SLC7A6: variants seen among roughly 807,000 people sequenced by gnomAD.
SLC7A6 encodes Y+L amino acid transporter 2.
In SLC7A6, 29 loss-of-function variants were observed where a neutral mutation model predicts 46.6. The observed-to-expected ratio is 0.62, with a 90% confidence interval of 0.46 to 0.85. SLC7A6 has a LOEUF of 0.85. Ranked by LOEUF, SLC7A6 falls within the 40% of genes least tolerant of loss-of-function variation. The pLI is 0.00. For synonymous variants in SLC7A6, 276 were observed against 257.3 expected (o/e 1.07, Z -0.70); for missense variants, 527 against 647.6 (o/e 0.81, Z 2.02).
intron 3 of SLC7A6, among the ~76,000 whole-genome samples, chr16:68,279,713 A>G (rs13333323): frequency 0.05 from 7,575 of 152,074 alleles, 619 homozygotes; most frequent in African/African-American, 0.17. Context: ...TAATTTTTAT[A>G]TTTTTAGTAG....
chr16:68,279,198 C>T (rs904310427), intron 3 of SLC7A6, among the ~76,000 whole-genome samples: 1 of 149,752 alleles, frequency 6.7e-6, no homozygotes, highest in Non-Finnish European at 1.5e-5. Context: ...GGCATGGTGG[C>T]AGTGGCAGTG....
chr16:68,301,114 A>C lies in SLC7A6; in HGVS notation c.*3786A>C. ...TGGAAAAGACTCACTCCCCTAACATAAGTTTTCACTGTGGTGGGATGGTGC... is the reference window on the plus strand; with the variant it reads ...TGGAAAAGACTCACTCCCCTAACATCAGTTTTCACTGTGGTGGGATGGTGC... On this transcript the variant is annotated 3_prime_UTR_variant, in exon 11 of 11. Transcript: ENST00000219343. 2.2e-6 allele frequency: 3 copies of C among 1,359,196 alleles called. No homozygotes were observed. The highest frequency in any genetic ancestry group is 2.0e-5 in the South Asian group (1 of 48,890). 84.2% of individuals were successfully genotyped at this position (1,359,196 alleles called of 1,614,324 possible).
chr16:68,291,717 T>C (rs1331181741), intron 7 of SLC7A6, 56 bp downstream of exon 7: 34 of 1,498,424 alleles, frequency 2.3e-5, no homozygotes, highest in Admixed American at 1.4e-4. Flanking sequence ...CTCTGGGGCT[T>C]AGGCATAAGA....
At chr16:68,274,493 G>A (rs2042674284) in intron 2 of SLC7A6, among the ~76,000 whole-genome samples, 198 bp from the exon 3 acceptor site, 6 of 152,206 alleles carry the variant, frequency 3.9e-5, no homozygotes, top group Admixed American at 3.9e-4. Context: ...AGCTCTCATG[G>A]TGTCTTTCTT....
In SLC7A6 at chr16:68,296,658, T is replaced by C. The variant is rs750337986; in HGVS notation, c.1301T>C (p.Ile434Thr). 14 of 1,614,110 alleles carry C rather than the reference T, an allele frequency of 8.7e-6. 1 individual carries two copies. In the Admixed American group the frequency reaches 1.8e-4, roughly 21 times the overall value. ...GTGTTTTTCCCCATCGTGTTCTGCA[T>C]ATGCTCCGTGTTTCTGGTGATAGTG... ...LSVFFPIVFCICSVFLVIVPL... is the reference protein window; with the variant it reads ...LSVFFPIVFCTCSVFLVIVPL... The change falls in exon 10 of 11, where the codon ATA (isoleucine) becomes ACA (threonine). Residue 434 changes from isoleucine to threonine, a missense_variant. Physicochemically the swap from Ile to Thr is moderately conservative, Grantham distance 89. Coordinates refer to ENST00000219343, the MANE Select transcript of SLC7A6 (RefSeq NM_003983.6).
In SLC7A6 at chr16:68,291,762, G is replaced by GGTGGGT. The variant is rs1555532337; in HGVS notation, c.1022+104_1022+105insGGTGTG. 187 of 548,118 alleles carry GGTGGGT rather than the reference G, an allele frequency of 3.4e-4. 2 individuals carry two copies. In the African/African-American group the frequency reaches 3.7e-3, roughly 11 times the overall value. 34.0% of individuals were successfully genotyped at this position (548,118 alleles called of 1,614,324 possible). A position where few individuals can be genotyped will look rare whatever the true frequency, so the allele number is the denominator to read the frequency against. On this transcript the variant is annotated intron_variant, in intron 7 of 10. Transcript: ENST00000219343. ...TTCCCTCCTTCTCATGGGCATATAG[G>GGTGGGT]GTGTGTGTGTGTGTGTGTGTGTGTG...
Position 68,276,685 on chromosome 16 carries a change from A to G in SLC7A6, c.523+1436A>G, listed in dbSNP as rs548811397. Among the ~76,000 whole-genome samples, 19 of 152,306 alleles carry G rather than the reference A, an allele frequency of 1.2e-4. No homozygotes were observed. The South Asian group carries it at 3.7e-3, about 30-fold the overall frequency. ...CTGACTGAGCTTTCTAAAAAAGGGA[A>G]TAATTTTCTGATTATAAAATATGTT... is the stretch of plus-strand genomic sequence containing the variant. On this transcript the variant is annotated intron_variant, in intron 3 of 10. Coordinates refer to ENST00000219343, the MANE Select transcript of SLC7A6 (RefSeq NM_003983.6).
At position 68,266,035 on chromosome 16, in the gene SLC7A6, C is replaced by T. The variant is rs374579780; in HGVS notation, c.-165-558C>T. Among the ~76,000 whole-genome samples the T allele has an allele frequency of 4.4e-3, 675 of 152,090 alleles. 7 individuals carry two copies. The highest frequency in any genetic ancestry group is 0.015 in the African/African-American group (619 of 41,506). On this transcript the variant is annotated intron_variant, in intron 1 of 10. Coordinates refer to ENST00000219343, the MANE Select transcript of SLC7A6 (RefSeq NM_003983.6). The stretch of plus-strand genomic sequence containing the variant: ...CAGCACTTTGGGAGGCCGAGGCAGG[C>T]GGATCACGGGGTCAGGAGATCGAGA...
chr16:68,275,183 C>T lies in SLC7A6; in HGVS notation c.457C>T (p.Gln153Ter). ...IAITFANYIIQPSFPSCDPPY... is the reference protein window; with the variant it reads ...IAITFANYII Reference sequence around the variant, plus strand: ...CATCACCTTTGCCAACTACATCATCCAGCCGTCCTTCCCCAGCTGTGATCC... The same window carrying T: ...CATCACCTTTGCCAACTACATCATCTAGCCGTCCTTCCCCAGCTGTGATCC... Residue 153 changes from glutamine (Q) to a stop codon, truncating the protein, a stop_gained, in exon 3 of 11, where the codon CAG (glutamine) becomes TAG (stop). Coordinates refer to ENST00000219343, the MANE Select transcript of SLC7A6 (RefSeq NM_003983.6). LOFTEE classifies it high-confidence loss of function. 3 of 1,613,996 alleles carry T rather than the reference C, an allele frequency of 1.9e-6. No homozygotes were observed. The highest frequency in any genetic ancestry group is 1.7e-6 in the Non-Finnish European group (2 of 1,180,024).
At position 68,290,532 on chromosome 16, in the gene SLC7A6, C is replaced by T. The variant is rs1241463830; in HGVS notation, c.786C>T (p.Asn262=). The change falls in exon 5 of 11, where the codon AAC becomes AAT. Residue 262 remains asparagine, a synonymous_variant. Transcript: ENST00000219343. ...TLNFVTEEIK[N]PERNLPLAIG... is the part of the protein sequence containing the mutation. ...ATTTTGTAACAGAAGAAATCAAAAA[C>T]CCAGAAAGGTAAAGATGGGATCACA... 1 of 1,614,188 alleles carries T rather than the reference C, an allele frequency of 6.2e-7. No homozygotes were observed. Among genetic ancestry groups the T allele is most frequent in the East Asian group, 2.2e-5 (1 of 44,876 alleles).
At chr16:68,296,054 C>A (rs752441638) in intron 8 of SLC7A6, among the ~76,000 whole-genome samples, 3 of 152,122 alleles carry the variant, frequency 2.0e-5, no homozygotes, top group Non-Finnish European at 2.9e-5. Flanking sequence ...CCGTGTAATC[C>A]ATGTTAAGGT....
chr16:68,264,952 G>T lies in SLC7A6; in HGVS notation c.-166+376G>T, dbSNP rs997741297. ...CGAGGGTGACCGGGACGCTGAGTGCGCGGGCCGCGCCGCGAGCGTGAGACT... is the reference window on the plus strand; with the variant it reads ...CGAGGGTGACCGGGACGCTGAGTGCTCGGGCCGCGCCGCGAGCGTGAGACT... On this transcript the variant is annotated intron_variant, in intron 1 of 10. Transcript: ENST00000219343. The surrounding 1 kb of genome is among the most constrained non-coding windows in gnomAD (Gnocchi z 5.8). Among the ~76,000 whole-genome samples, 1 of 152,134 alleles carries T rather than the reference G, an allele frequency of 6.6e-6. No homozygotes were observed. The highest frequency in any genetic ancestry group is 1.5e-5 in the Non-Finnish European group (1 of 68,014).
intron 3 of SLC7A6, among the ~76,000 whole-genome samples, chr16:68,286,416 T>C (rs1014939113): frequency 6.6e-6 from 1 of 152,050 alleles, no homozygotes; most frequent in Non-Finnish European, 1.5e-5. Context: ...GGGGAGGACA[T>C]TTCTTTTTAT....
At position 68,301,418 on chromosome 16, in the gene SLC7A6, C is replaced by T. The variant is rs768631853; in HGVS notation, c.*4090C>T. 7.4e-6 allele frequency: 12 copies of T among 1,610,804 alleles called. No individual in the cohort carries two copies. The South Asian group carries it at 1.2e-4, about 16-fold the overall frequency. ...TAGTCAGCAGAGCCTAGAATGACATCCCGGGAGTGGATTCTAAATGTGATT... is the reference window on the plus strand; with the variant it reads ...TAGTCAGCAGAGCCTAGAATGACATTCCGGGAGTGGATTCTAAATGTGATT... On this transcript the variant is annotated 3_prime_UTR_variant, in exon 11 of 11. Transcript: ENST00000219343.
In SLC7A6 at chr16:68,267,896, T is replaced by C. The variant is rs572666991; in HGVS notation, c.-37+1175T>C. On this transcript the variant is annotated intron_variant, in intron 2 of 10. Transcript: ENST00000219343. ...CCAGTGGCTTAATCACTCATGCCTA[T>C]GTAATGAAGCCTCTATAAAAACCCA... is the stretch of plus-strand genomic sequence containing the variant. Among the ~76,000 whole-genome samples the C allele has an allele frequency of 2.6e-5, 4 of 152,286 alleles. No homozygotes were observed. In the East Asian group the frequency reaches 5.8e-4, roughly 22 times the overall value.
Position 68,299,185 on chromosome 16 carries a change from G to A in SLC7A6, c.*1857G>A, listed in dbSNP as rs2043226270. 6.6e-6 allele frequency: 1 copy of A among 152,632 alleles called. No homozygotes were observed. Among genetic ancestry groups the A allele is most frequent in the Non-Finnish European group, 1.5e-5 (1 of 68,036 alleles). The allele number at this position is 152,632 out of a possible 1,614,324, so 9.5% of individuals were successfully genotyped here. On this transcript the variant is annotated 3_prime_UTR_variant, in exon 11 of 11. Coordinates refer to ENST00000219343, the MANE Select transcript of SLC7A6 (RefSeq NM_003983.6). ...ACATGACTTCTGTCTGAGCTAAGCTGGCACCCATCCCAGGGCTCCTCTGGA... is the reference window on the plus strand; with the variant it reads ...ACATGACTTCTGTCTGAGCTAAGCTAGCACCCATCCCAGGGCTCCTCTGGA...
At chr16:68,283,467 A>G (rs1039815465) in intron 3 of SLC7A6, among the ~76,000 whole-genome samples, 5 of 152,172 alleles carry the variant, frequency 3.3e-5, no homozygotes, top group Non-Finnish European at 5.9e-5. Context: ...AAATATTTGC[A>G]TACATCCCGG....
rs2043024734 is a variant in SLC7A6, at chr16:68,290,411, T to G, written c.665T>G (p.Phe222Cys). ...GCCCCCACAGGACACTCTGAGCACT[T>G]TCAGGACGCCTTTGAGGGTTCCTCC... ...VKLCQGHSEH[F>C]QDAFEGSSWD... is the part of the protein sequence containing the mutation. Residue 222 changes from phenylalanine to cysteine, a missense_variant, in exon 5 of 11, where the codon TTT becomes TGT. Coordinates refer to ENST00000219343, the MANE Select transcript of SLC7A6 (RefSeq NM_003983.6). 1 of 1,613,998 alleles carries G rather than the reference T, an allele frequency of 6.2e-7. No individual in the cohort carries two copies. Among genetic ancestry groups the G allele is most frequent in the African/African-American group, 1.3e-5 (1 of 74,876 alleles).
At chr16:68,270,238 C>T (rs2151214023) in intron 2 of SLC7A6, among the ~76,000 whole-genome samples, 1 of 152,174 alleles carries the variant, frequency 6.6e-6, no homozygotes, top group African/African-American at 2.4e-5. Context: ...TTCCCTGGGT[C>T]TTGGGAGTGG....
Sources: gnomAD v4.1 joint callset for allele counts (sites outside exome capture counted in the v4.1 genomes callset) on GRCh38, gnomAD v4.1.1 for gene constraint, Gnocchi (gnomAD v3.1) non-coding constraint, MANE v1.5 for transcripts, NCBI Gene and HGNC (gene_info 2026-07-23, HGNC 2026-07-21) for gene names.